The following GCKR variants were observed in gnomAD, a reference collection of about 807,000 sequenced individuals.
GCKR encodes the protein glucokinase regulator.
GCKR carries 73 observed loss-of-function variants against 82.9 expected under a neutral mutation model. The ratio of observed to expected loss-of-function variants is 0.88; its 90% CI spans 0.73 to 1.07. The LOEUF (loss-of-function observed/expected upper bound fraction) is 1.07, where lower values mean the gene tolerates loss of function less well. GCKR is among the 50% of genes least tolerant of loss of function. GCKR has a pLI of 0.00. For missense variants in GCKR, 784 were observed against 782.1 expected (o/e 1.00, Z -0.03); for synonymous variants, 294 against 291.8 (o/e 1.01, Z -0.08).
chr2:27,521,015 G>C (rs1013853394), intron 17 of GCKR, among the ~76,000 whole-genome samples: 2 of 151,918 alleles, frequency 1.3e-5, no homozygotes, highest in Non-Finnish European at 2.9e-5. Context: ...CTGCACTCCA[G>C]CCTAGGTGAC....
chr2:27,507,090 A>T (rs762019025), intron 12 of GCKR, 145 bp from the exon 13 acceptor site: 1 of 788,442 alleles, frequency 1.3e-6, no homozygotes, highest in Non-Finnish European at 2.3e-6. Context: ...CCTGTGCTTA[A>T]CTATGGCCTC....
chr2:27,508,119 C>T (rs1233259885), intron 15 of GCKR, 45 bp downstream of exon 15: 2 of 1,582,900 alleles, frequency 1.3e-6, no homozygotes, highest in African/African-American at 1.3e-5. Context: ...GCAGTTGCAG[C>T]CAGGCCTTCC....
chr2:27,508,471 G>A (rs184647937), intron 16 of GCKR, among the ~76,000 whole-genome samples: 2 of 152,292 alleles, frequency 1.3e-5, no homozygotes, highest in African/African-American at 2.4e-5. Context: ...AAAAAGTTGC[G>A]GGATAGGCCT....
intron 12 of GCKR, 53 bp downstream of exon 12, chr2:27,506,938 G>A (rs567996966): frequency 3.1e-5 from 37 of 1,196,870 alleles, no homozygotes; most frequent in Non-Finnish European, 4.1e-5. Context: ...CCAACCATTC[G>A]GGCTGCTCTC....
rs1558431901 is a variant in GCKR at position 27,496,844 on chromosome 2, G to A, written c.-61G>A. The A allele has an allele frequency of 7.3e-7, 1 of 1,375,104 alleles. No homozygotes were observed. The highest frequency in any genetic ancestry group is 1.0e-6 in the Non-Finnish European group (1 of 962,274). The allele number at this position is 1,375,104 out of a possible 1,614,324, so 85.2% of individuals were successfully genotyped here. ...TGCCAACTGGAAGCAGAGTCATTGT[G>A]ACCAGAGGGGTTTGTGTGGCTGAAG... On this transcript the variant is annotated 5_prime_UTR_variant, in exon 1 of 19. Transcript: ENST00000264717.
intron 16 of GCKR, among the ~76,000 whole-genome samples, chr2:27,518,202 C>T (rs938333123): frequency 6.6e-6 from 1 of 152,100 alleles, no homozygotes; most frequent in African/African-American, 2.4e-5. Context: ...TATGCCACCA[C>T]TCCTAGCTAA....
intron 16 of GCKR, among the ~76,000 whole-genome samples, chr2:27,514,613 A>T (rs1213907622): frequency 1.3e-5 from 2 of 152,222 alleles, no homozygotes; most frequent in Non-Finnish European, 2.9e-5. Flanking sequence ...GTTTCCACAT[A>T]TGTAATAGTT....
At chr2:27,513,909 TTGTGTGTGTGTGTGTGTGTG>T (rs57848910) in intron 16 of GCKR, among the ~76,000 whole-genome samples, 119 of 144,768 alleles carry the variant, frequency 8.2e-4, no homozygotes, top group Non-Finnish European at 1.5e-3. Flanking sequence ...TTATTTGCAT[TTGTGTGTGTGTGTGTGTGTG>T]TGTGTGTGTG....
At position 27,506,523 on chromosome 2, in the gene GCKR, G is replaced by A. The variant is rs142453947; in HGVS notation, c.912G>A (p.Gln304=). ...EILRTFERAH[Q]VTYSQSPKIA... ...TGCGGACATTTGAGCGAGCTCATCA[G>A]GTGACCTACAGCCAAAGCCCCAAGA... Residue 304 remains glutamine (Q), a synonymous_variant, in exon 11 of 19, where the codon CAG becomes CAA. Coordinates refer to ENST00000264717, the MANE Select transcript of GCKR (RefSeq NM_001486.4). 168 of 1,613,898 alleles carry A rather than the reference G, an allele frequency of 1.0e-4. No individual in the cohort carries two copies. Among genetic ancestry groups the A allele is most frequent in the Non-Finnish European group, 1.3e-4 (157 of 1,179,926 alleles).
chr2:27,508,309 A>G lies in GCKR; in HGVS notation c.1422+58A>G, dbSNP rs566702417. The G allele has an allele frequency of 2.9e-5, 33 of 1,150,648 alleles. No individual in the cohort carries two copies. The South Asian group carries it at 3.8e-4, about 13-fold the overall frequency. The allele number at this position is 1,150,648 out of a possible 1,614,324, so 71.3% of individuals were successfully genotyped here. A position where few individuals can be genotyped will look rare whatever the true frequency, so the allele number is the denominator to read the frequency against. ...AGGGGCTCAGAGGGTGAGGGATTCC[A>G]AGAATCAAAAAACCCAAGGCTGTAG... is the stretch of plus-strand genomic sequence containing the variant. On this transcript the variant is annotated intron_variant, in intron 16 of 18. Coordinates refer to ENST00000264717, the MANE Select transcript of GCKR (RefSeq NM_001486.4).
rs1174963633 is a variant in GCKR at position 27,499,191 on chromosome 2, A to G, written c.478A>G (p.Ile160Val). The change falls in exon 6 of 19, where the codon ATT (isoleucine) becomes GTT (valine). Residue 160 changes from isoleucine (I) to valine (V), a missense_variant. Physicochemically the swap from Ile to Val is conservative, Grantham distance 29 (BLOSUM62 3). Transcript: ENST00000264717. The stretch of plus-strand genomic sequence containing the variant: ...GACAGAAGATAGTGCCTTGCACGGG[A>G]TTGAGGAACTGAAGAAGGTCTGTGC... ...EGTEDSALHG[I>V]EELKKVAAGK... The G allele has an allele frequency of 1.2e-6, 2 of 1,610,102 alleles. No homozygotes were observed. Among genetic ancestry groups the G allele is most frequent in the Admixed American group, 3.3e-5 (2 of 60,012 alleles).
intron 16 of GCKR, among the ~76,000 whole-genome samples, chr2:27,515,765 ATTTTT>A (rs60183178): frequency 0.016 from 1,709 of 106,888 alleles, 17 homozygotes; most frequent in Non-Finnish European, 0.023. Context: ...ATATATATAT[ATTTTT>A]TTTTTTTTTT....
chr2:27,517,662 C>T (rs1670043011), intron 16 of GCKR, among the ~76,000 whole-genome samples: 1 of 152,192 alleles, frequency 6.6e-6, no homozygotes, highest in East Asian at 1.9e-4. Flanking sequence ...TTAATCCCCT[C>T]AACACCTTTA....
chr2:27,499,547 A>C, intron 7 of GCKR, 97 bp downstream of exon 7: 3 of 964,080 alleles, frequency 3.1e-6, no homozygotes, highest in Non-Finnish European at 5.1e-6. Flanking sequence ...TCGGTGCTAG[A>C]AGGCAGGAAG....
At chr2:27,512,063 A>C (rs965443101) in intron 16 of GCKR, among the ~76,000 whole-genome samples, 2 of 151,956 alleles carry the variant, frequency 1.3e-5, no homozygotes, top group African/African-American at 2.4e-5. Flanking sequence ...ACATGGTGAA[A>C]CCTGATCTCT....
intron 13 of GCKR, 68 bp from the exon 14 acceptor site, chr2:27,507,613 T>C (rs1446165686): frequency 1.2e-6 from 1 of 862,346 alleles, no homozygotes; most frequent in East Asian, 2.4e-5. Context: ...CACGGCCCCC[T>C]TTAGTCCTCA....
chr2:27,506,552 C>A lies in GCKR; in HGVS notation c.941C>A (p.Ala314Asp). 6.2e-7 allele frequency: 1 copy of A among 1,611,976 alleles called. No individual in the cohort carries two copies. The highest frequency in any genetic ancestry group is 2.2e-5 in the East Asian group (1 of 44,864). Reference sequence around the variant, plus strand: ...ACCTACAGCCAAAGCCCCAAGATTGCCACCCTGATGAAGAGTGTCAGCACC... The same window carrying A: ...ACCTACAGCCAAAGCCCCAAGATTGACACCCTGATGAAGAGTGTCAGCACC... ...QVTYSQSPKI[A>D]TLMKSVSTSL... Residue 314 changes from alanine to aspartate, a missense_variant, in exon 11 of 19, where the codon GCC becomes GAC. Ala to Asp is a moderately radical substitution (Grantham distance 126). Coordinates refer to ENST00000264717, the MANE Select transcript of GCKR (RefSeq NM_001486.4).
intron 13 of GCKR, 53 bp downstream of exon 13, chr2:27,507,364 G>T (rs1241311760): frequency 8.6e-7 from 1 of 1,168,800 alleles, no homozygotes; most frequent in Non-Finnish European, 1.3e-6. Context: ...GTGTGCTGAG[G>T]GTGGAAGAAA....
intron 16 of GCKR, among the ~76,000 whole-genome samples, chr2:27,514,890 T>C (rs1187608461): frequency 1.3e-5 from 2 of 152,328 alleles, no homozygotes; most frequent in Admixed American, 6.5e-5. Flanking sequence ...TTGGAGAGTT[T>C]TGTGAAGTTT....
Sources: gnomAD v4.1 joint callset for allele counts (sites outside exome capture counted in the v4.1 genomes callset) on GRCh38, gnomAD v4.1.1 for gene constraint, MANE v1.5 for transcripts, NCBI Gene and HGNC (gene_info 2026-07-23, HGNC 2026-07-21) for gene names.